LOC122539214: variants seen among roughly 807,000 people sequenced by gnomAD.
chr19:52,687,614 G>GTATATATATAA, the LOC122539214 span, among the ~76,000 whole-genome samples: 1 of 11,628 alleles, frequency 8.6e-5, no homozygotes, highest in African/African-American at 1.0e-3. Flanking sequence ...TATATATAAT[G>GTATATATATAA]TGTATATATA....
chr19:52,662,878 A>T, the LOC122539214 span, among the ~76,000 whole-genome samples: 4 of 152,114 alleles, frequency 2.6e-5, no homozygotes, highest in Non-Finnish European at 5.9e-5. Flanking sequence ...AAATTGCAGG[A>T]TGGGCCAGGT....
chr19:52,666,169 A>AG, the LOC122539214 span, among the ~76,000 whole-genome samples: 1 of 151,374 alleles, frequency 6.6e-6, no homozygotes, highest in Non-Finnish European at 1.5e-5. Context: ...ATCTCAAAAA[A>AG]AAAAAAAAAG....
the LOC122539214 span, among the ~76,000 whole-genome samples, chr19:52,677,229 AAGCATG>A: frequency 6.6e-6 from 1 of 151,670 alleles, no homozygotes; most frequent in African/African-American, 2.4e-5. Context: ...TCACACCACA[AAGCATG>A]AGTGAGACTG....
At chr19:52,681,280 C>CA in the LOC122539214 span, among the ~76,000 whole-genome samples, 1,057 of 75,374 alleles carry the variant, frequency 0.014, 40 homozygotes, top group Admixed American at 0.043. Flanking sequence ...GAGACTTTCT[C>CA]AAAAAAAAAA....
At chr19:52,663,956 G>A in the LOC122539214 span, among the ~76,000 whole-genome samples, 4 of 152,056 alleles carry the variant, frequency 2.6e-5, no homozygotes, top group African/African-American at 7.2e-5. Context: ...ATGCGATCTC[G>A]GCTCACTGCA....
chr19:52,664,837 C>T, the LOC122539214 span, among the ~76,000 whole-genome samples: 2 of 152,042 alleles, frequency 1.3e-5, no homozygotes, highest in Non-Finnish European at 2.9e-5. Context: ...CCCTCTATCT[C>T]ACTCTCCGTG....
the LOC122539214 span, among the ~76,000 whole-genome samples, chr19:52,664,753 TG>T: frequency 2.6e-4 from 1 of 3,850 alleles, no homozygotes; most frequent in African/African-American, 1.5e-3. Context: ...GGGCCTGGTG[TG>T]GGGGGGTGAG....
At chr19:52,688,950 G>GAAA in the LOC122539214 span, among the ~76,000 whole-genome samples, 6 of 126,800 alleles carry the variant, frequency 4.7e-5, no homozygotes, top group South Asian at 5.2e-4. Context: ...AAGGTTGAAG[G>GAAA]AAAAAAAAAA....
chr19:52,673,441 T>G, the LOC122539214 span, among the ~76,000 whole-genome samples: 2 of 151,954 alleles, frequency 1.3e-5, no homozygotes, highest in African/African-American at 4.8e-5. Context: ...AGGCAGAGGT[T>G]GCAGTGAGCT....
the LOC122539214 span, among the ~76,000 whole-genome samples, chr19:52,687,584 A>ATATATATATAATG: frequency 1.6e-4 from 6 of 37,328 alleles, 1 homozygote; most frequent in African/African-American, 8.2e-4. Flanking sequence ...AATTTTATAT[A>ATATATATATAATG]TATATATATA....
the LOC122539214 span, among the ~76,000 whole-genome samples, chr19:52,685,883 G>T: frequency 3.8e-5 from 5 of 130,142 alleles, no homozygotes; most frequent in Non-Finnish European, 6.3e-5. Flanking sequence ...TGGGGAACAA[G>T]AGTGTAACTG....
At chr19:52,665,234 G>A in the LOC122539214 span, among the ~76,000 whole-genome samples, 1 of 152,090 alleles carries the variant, frequency 6.6e-6, no homozygotes, top group Non-Finnish European at 1.5e-5. Context: ...CCAGGGAGGA[G>A]TGAGGTCACC....
chr19:52,683,104 A>G, the LOC122539214 span, among the ~76,000 whole-genome samples: 1 of 152,114 alleles, frequency 6.6e-6, no homozygotes, highest in Non-Finnish European at 1.5e-5. Flanking sequence ...TCCTGACTTC[A>G]AGTGATCCAC....
At chr19:52,662,127 T>C in the LOC122539214 span, among the ~76,000 whole-genome samples, 1 of 152,250 alleles carries the variant, frequency 6.6e-6, no homozygotes, top group Non-Finnish European at 1.5e-5. Context: ...TTGGAAATGA[T>C]GTATTTTCTC....
the LOC122539214 span, among the ~76,000 whole-genome samples, chr19:52,661,959 G>C: frequency 6.6e-6 from 1 of 152,182 alleles, no homozygotes; most frequent in African/African-American, 2.4e-5. Flanking sequence ...CCTGAGACAG[G>C]AGCAACCTCA....
At chr19:52,663,305 TACAC>T in the LOC122539214 span, among the ~76,000 whole-genome samples, 9 of 152,144 alleles carry the variant, frequency 5.9e-5, no homozygotes, top group African/African-American at 2.2e-4. Context: ...ACGTTCAAAA[TACAC>T]ACAATTGTGA....
chr19:52,687,600 TA>T, the LOC122539214 span, among the ~76,000 whole-genome samples: 1 of 23,466 alleles, frequency 4.3e-5, no homozygotes, highest in African/African-American at 5.9e-4. Flanking sequence ...ATATATAATG[TA>T]TATATATATA....
At chr19:52,655,544 A>C in the LOC122539214 span, 1 of 1,476,804 alleles carries the variant, frequency 6.8e-7, no homozygotes, top group Non-Finnish European at 9.5e-7. Flanking sequence ...TCACATCAGG[A>C]GGGACATTTT....
the LOC122539214 span, among the ~76,000 whole-genome samples, chr19:52,682,984 T>C: frequency 1.3e-5 from 2 of 152,120 alleles, no homozygotes; most frequent in Non-Finnish European, 2.9e-5. Context: ...GATTCTCCTG[T>C]CTCAGCCTTT....
Sources: gnomAD v4.1 joint callset for allele counts (sites outside exome capture counted in the v4.1 genomes callset) on GRCh38, gnomAD v4.1.1 for gene constraint, MANE v1.5 for transcripts.